CSMD1: variants seen among roughly 807,000 people sequenced by gnomAD.
CSMD1 encodes CUB and Sushi multiple domains 1, also known as CUB and sushi domain-containing protein 1.
In CSMD1, 213 loss-of-function variants were observed where a neutral mutation model predicts 417.5. That is an observed-to-expected ratio of 0.51 (90% confidence interval 0.46 to 0.57). CSMD1 has a LOEUF of 0.57. Among genes scored for constraint, CSMD1 ranks in the 20% least tolerant of loss-of-function variants. CSMD1 has a pLI of 0.00. For missense variants in CSMD1, 6,923 were observed against 4,529.7 expected (o/e 1.53, Z -15.17); for synonymous variants, 2,862 against 1,736.8 (o/e 1.65, Z -16.11).
At chr8:3,346,508 G>C (rs1373387878) in intron 22 of CSMD1, among the ~76,000 whole-genome samples, 2 of 152,172 alleles carry the variant, frequency 1.3e-5, no homozygotes, top group Non-Finnish European at 2.9e-5. Context: ...CCCTCATACT[G>C]CCAGTGTGAG....
At chr8:4,353,967 T>C (rs999389429) in intron 3 of CSMD1, among the ~76,000 whole-genome samples, 4 of 152,164 alleles carry the variant, frequency 2.6e-5, no homozygotes, top group African/African-American at 7.2e-5. Context: ...TCTATGATGA[T>C]ATATTGTTTC....
chr8:3,808,474 C>T (rs554354664), intron 5 of CSMD1, among the ~76,000 whole-genome samples: 2 of 152,230 alleles, frequency 1.3e-5, no homozygotes, highest in East Asian at 3.9e-4. Flanking sequence ...TTATACTTTT[C>T]AGTAATATGT....
At chr8:4,604,383 G>GTA (rs1800756219) in intron 2 of CSMD1, among the ~76,000 whole-genome samples, 1 of 52,628 alleles carries the variant, frequency 1.9e-5, no homozygotes, top group Non-Finnish European at 7.4e-5. Context: ...AAATAGCATT[G>GTA]TGTGTGTGTG....
intron 3 of CSMD1, among the ~76,000 whole-genome samples, chr8:4,222,973 G>C (rs1453667785): frequency 6.6e-6 from 1 of 152,076 alleles, no homozygotes; most frequent in Non-Finnish European, 1.5e-5. Flanking sequence ...TTTGGGCTTT[G>C]AGAAGCTGAA....
intron 37 of CSMD1, among the ~76,000 whole-genome samples, chr8:3,177,370 G>T (rs566447450): frequency 6.6e-6 from 1 of 152,184 alleles, no homozygotes; most frequent in African/African-American, 2.4e-5. Flanking sequence ...CGAGAAGGGC[G>T]TGAAACACCA....
chr8:4,288,092 G>C (rs1185006645), intron 3 of CSMD1, among the ~76,000 whole-genome samples: 1 of 152,136 alleles, frequency 6.6e-6, no homozygotes, highest in Non-Finnish European at 1.5e-5. Context: ...CTGAGCCTTA[G>C]TTTTACTTAT....
chr8:2,978,213 G>C (rs1259438850), intron 55 of CSMD1, among the ~76,000 whole-genome samples: 1 of 152,174 alleles, frequency 6.6e-6, no homozygotes, highest in East Asian at 1.9e-4. Context: ...CTCCACACCA[G>C]AGCACTTCGC....
intron 3 of CSMD1, among the ~76,000 whole-genome samples, chr8:4,260,563 C>T (rs1334621753): frequency 1.3e-5 from 2 of 152,100 alleles, no homozygotes; most frequent in African/African-American, 4.8e-5. Flanking sequence ...TTTATTGACT[C>T]CTGGAGAAAA....
chr8:3,429,340 T>A (rs1814060123), intron 12 of CSMD1, among the ~76,000 whole-genome samples: 1 of 152,142 alleles, frequency 6.6e-6, no homozygotes, highest in African/African-American at 2.4e-5. Context: ...GCAAAAATTA[T>A]TTTGGGAAAC....
At chr8:4,330,961 C>T (rs968136673) in intron 3 of CSMD1, among the ~76,000 whole-genome samples, 2 of 152,100 alleles carry the variant, frequency 1.3e-5, no homozygotes, top group African/African-American at 4.8e-5. Flanking sequence ...TAACTAAATG[C>T]AAGACCCCCC....
intron 1 of CSMD1, among the ~76,000 whole-genome samples, chr8:4,777,928 T>C (rs1415556726): frequency 6.6e-6 from 1 of 152,222 alleles, no homozygotes; most frequent in Non-Finnish European, 1.5e-5. Flanking sequence ...CTACTCCCTA[T>C]AATACGGTTG....
chr8:4,636,562 T>G (rs374459600), intron 2 of CSMD1, among the ~76,000 whole-genome samples: 1 of 152,204 alleles, frequency 6.6e-6, no homozygotes, highest in East Asian at 1.9e-4. Flanking sequence ...CAAGAATTTA[T>G]CTTTGTTCTT....
intron 5 of CSMD1, among the ~76,000 whole-genome samples, chr8:3,775,220 C>T (rs76720866): frequency 1.6e-4 from 25 of 152,088 alleles, no homozygotes; most frequent in African/African-American, 2.2e-4. Flanking sequence ...TTAGATAAAA[C>T]TTTGCAAAAC....
intron 51 of CSMD1, among the ~76,000 whole-genome samples, chr8:3,026,861 G>C (rs1393980218): frequency 6.6e-6 from 1 of 152,160 alleles, no homozygotes. Context: ...AAGAGGCTGG[G>C]CTATCCCTTC....
At chr8:4,450,823 G>C (rs1447152869) in intron 2 of CSMD1, among the ~76,000 whole-genome samples, 1 of 152,124 alleles carries the variant, frequency 6.6e-6, no homozygotes, top group East Asian at 1.9e-4. Flanking sequence ...TAAACATACT[G>C]CACTTGTGAG....
chr8:3,163,427 A>C (rs999387456), intron 37 of CSMD1, among the ~76,000 whole-genome samples: 4 of 151,558 alleles, frequency 2.6e-5, no homozygotes, highest in African/African-American at 7.3e-5. Context: ...AAAAAAAAAA[A>C]CAGCAGGAGA....
intron 37 of CSMD1, among the ~76,000 whole-genome samples, chr8:3,179,836 C>T (rs1821203519): frequency 6.6e-6 from 1 of 152,232 alleles, no homozygotes; most frequent in Non-Finnish European, 1.5e-5. Flanking sequence ...TCATTTTATA[C>T]TGTCACTGAA....
intron 1 of CSMD1, among the ~76,000 whole-genome samples, chr8:4,772,185 C>G (rs1283935299): frequency 6.6e-6 from 1 of 152,126 alleles, no homozygotes; most frequent in African/African-American, 2.4e-5. Flanking sequence ...TTCTTGCTGG[C>G]TGATGTCCAC....
At chr8:3,592,087 G>A (rs866319386) in intron 8 of CSMD1, among the ~76,000 whole-genome samples, 25 of 152,046 alleles carry the variant, frequency 1.6e-4, no homozygotes, top group Admixed American at 2.6e-4. Flanking sequence ...TGACGGATTA[G>A]AGAGACAGAT....
Sources: gnomAD v4.1 joint callset for allele counts (sites outside exome capture counted in the v4.1 genomes callset) on GRCh38, gnomAD v4.1.1 for gene constraint, MANE v1.5 for transcripts, NCBI Gene and HGNC (gene_info 2026-07-23, HGNC 2026-07-21) for gene names.